Variants in KCNIP3 observed in about 807,000 individuals in gnomAD.
KCNIP3 encodes calsenilin.
KCNIP3 carries 28 observed loss-of-function variants against 35.0 expected under a neutral mutation model. The observed-to-expected ratio is 0.80, with a 90% CI of 0.59 to 1.10. KCNIP3 has a LOEUF of 1.10. KCNIP3 is among the 50% of genes least tolerant of loss of function. The pLI is 0.00. For missense variants in KCNIP3, 295 were observed against 338.4 expected, an observed-to-expected ratio of 0.87 and a Z score of 1.01; for synonymous variants, 134 against 133.8, an observed-to-expected ratio of 1.00 and a Z score of -0.01.
intron 5 of KCNIP3, 62 bp from the exon 6 acceptor site, chr2:95,381,534 A>G (rs1332302137): frequency 8.1e-7 from 1 of 1,234,832 alleles, no homozygotes; most frequent in Non-Finnish European, 1.2e-6. Flanking sequence ...GCCACACAGC[A>G]ACTGGAACTA....
rs986663374 is a variant in KCNIP3 at position 95,378,141 on chromosome 2, T to A, written c.447+2933T>A. On this transcript the variant is annotated intron_variant, in intron 5 of 8. Coordinates refer to ENST00000295225, the MANE Select transcript of KCNIP3 (RefSeq NM_013434.5). The surrounding 1 kb of genome is among the most constrained non-coding windows in gnomAD (Gnocchi z 4.0). Reference sequence around the variant, plus strand: ...ATGTTTCTCCTTGTTTTTTAATTTTTATTTTTTTTGTTTTATTTTTAGACA... The same window carrying A: ...ATGTTTCTCCTTGTTTTTTAATTTTAATTTTTTTTGTTTTATTTTTAGACA... 3.9e-5 allele frequency among the ~76,000 whole-genome samples: 6 copies of A among 152,176 alleles called. No individual in the cohort carries two copies. Among genetic ancestry groups the A allele is most frequent in the Non-Finnish European group, 7.3e-5 (5 of 68,028 alleles).
At chr2:95,301,408 T>G (rs566407238) in intron 1 of KCNIP3, among the ~76,000 whole-genome samples, 1 of 152,348 alleles carries the variant, frequency 6.6e-6, no homozygotes, top group African/African-American at 2.4e-5. Context: ...GGCTGTGCCT[T>G]GTTGGCTGTG....
intron 1 of KCNIP3, chr2:95,298,712 C>A (rs1300734529): frequency 6.6e-6 from 1 of 152,266 alleles, no homozygotes; most frequent in African/African-American, 2.4e-5. Flanking sequence ...GAGGTGATGG[C>A]ATGAAGCCCT....
intron 2 of KCNIP3, among the ~76,000 whole-genome samples, chr2:95,330,113 G>C (rs549828824): frequency 1.3e-5 from 2 of 152,346 alleles, no homozygotes; most frequent in South Asian, 2.1e-4. Flanking sequence ...TAATTGAGTT[G>C]CAGGGCTGGG....
intron 2 of KCNIP3, among the ~76,000 whole-genome samples, chr2:95,325,753 A>C (rs1395246783): frequency 6.6e-6 from 1 of 151,646 alleles, no homozygotes; most frequent in Admixed American, 6.6e-5. Flanking sequence ...ACACGCACTC[A>C]TACACACATA....
intron 2 of KCNIP3, among the ~76,000 whole-genome samples, chr2:95,338,112 C>T (rs951159250): frequency 2.0e-5 from 3 of 152,156 alleles, no homozygotes; most frequent in Admixed American, 6.5e-5. Flanking sequence ...TCGGCACAGC[C>T]AGGGCAGGAG....
In KCNIP3 at chr2:95,325,826, TACACTCATAC is replaced by T. The variant is rs778477125; in HGVS notation, c.181+15321_181+15330del. Among the ~76,000 whole-genome samples the T allele has an allele frequency of 1.6e-3, 209 of 128,632 alleles. 5 individuals carry two copies. The East Asian group carries it at 0.045, about 28-fold the overall frequency. 84.4% of individuals were successfully genotyped at this position (128,632 alleles called of 152,430 possible). The stretch of plus-strand genomic sequence containing the variant: ...ACATACACTCATACACACATACACA[TACACTCATAC>T]ACACTCATACACACATACACTCACA... On this transcript the variant is annotated intron_variant, in intron 2 of 8. Transcript: ENST00000295225.
At chr2:95,379,257 C>CGCTGAGG (rs1316971276) in intron 5 of KCNIP3, among the ~76,000 whole-genome samples, 1 of 152,254 alleles carries the variant, frequency 6.6e-6, no homozygotes, top group African/African-American at 2.4e-5. Flanking sequence ...CTGGACCCCT[C>CGCTGAGG]GCTGAGGCTT....
At chr2:95,319,461 C>T (rs1558761547) in intron 2 of KCNIP3, among the ~76,000 whole-genome samples, 1 of 152,224 alleles carries the variant, frequency 6.6e-6, no homozygotes. Context: ...CCCTGGGCCG[C>T]TTCTCTGTGA....
intron 1 of KCNIP3, among the ~76,000 whole-genome samples, chr2:95,302,829 AGCCGT>A (rs1179593955): frequency 6.6e-6 from 1 of 152,124 alleles, no homozygotes; most frequent in East Asian, 1.9e-4. Context: ...GCCCCCAACT[AGCCGT>A]GCCCTCTGAG....
At chr2:95,367,981 C>G (rs1395770474) in intron 2 of KCNIP3, among the ~76,000 whole-genome samples, 1 of 152,140 alleles carries the variant, frequency 6.6e-6, no homozygotes, top group African/African-American at 2.4e-5. Context: ...AGGCTGGTCT[C>G]GAACTCCTGA....
Position 95,377,694 on chromosome 2 carries a change from A to C in KCNIP3, c.447+2486A>C, listed in dbSNP as rs1680240474. Among the ~76,000 whole-genome samples the C allele has an allele frequency of 6.6e-6, 1 of 152,214 alleles. No homozygotes were observed. The highest frequency in any genetic ancestry group is 1.5e-5 in the Non-Finnish European group (1 of 68,026). On this transcript the variant is annotated intron_variant, in intron 5 of 8. Transcript: ENST00000295225. The surrounding 1 kb of genome is among the most constrained non-coding windows in gnomAD (Gnocchi z 4.7). The stretch of plus-strand genomic sequence containing the variant: ...GTGCACTCAGACATGGGCTGGCTGG[A>C]CTTGGGGTCATCTGTGTATTACCTT...
chr2:95,310,579 T>G, intron 2 of KCNIP3, 59 bp downstream of exon 2: 1 of 1,595,428 alleles, frequency 6.3e-7, no homozygotes, highest in Non-Finnish European at 8.6e-7. Flanking sequence ...TTCTGAGCAC[T>G]GTCCTTTCTG....
At chr2:95,307,925 TAA>T (rs1273653586) in intron 1 of KCNIP3, among the ~76,000 whole-genome samples, 4 of 152,162 alleles carry the variant, frequency 2.6e-5, no homozygotes, top group Non-Finnish European at 4.4e-5. Context: ...TTAACCAAAA[TAA>T]AGACTCCTGA....
At chr2:95,314,119 G>A (rs1678395881) in intron 2 of KCNIP3, among the ~76,000 whole-genome samples, 1 of 152,082 alleles carries the variant, frequency 6.6e-6, no homozygotes, top group African/African-American at 2.4e-5. Flanking sequence ...GCAACCCCAC[G>A]TAAAATCATA....
chr2:95,320,363 C>G (rs1478032396), intron 2 of KCNIP3, among the ~76,000 whole-genome samples: 2 of 152,136 alleles, frequency 1.3e-5, no homozygotes, highest in Non-Finnish European at 2.9e-5. Context: ...CCCTTCTTTG[C>G]TTCAGGACTC....
intron 6 of KCNIP3, 148 bp downstream of exon 6, chr2:95,381,851 G>T: frequency 1.5e-6 from 1 of 646,202 alleles, no homozygotes; most frequent in Non-Finnish European, 2.8e-6. Context: ...GCAGCCAGTG[G>T]GCTCTCCTCT....
rs1367072490 is a variant in KCNIP3 at position 95,374,292 on chromosome 2, C to G, written c.182-4C>G. The G allele has an allele frequency of 3.7e-6, 6 of 1,613,408 alleles. No individual in the cohort carries two copies. Among genetic ancestry groups the G allele is most frequent in the African/African-American group, 1.3e-5 (1 of 74,936 alleles). On this transcript the variant is annotated splice_region_variant and splice_polypyrimidine_tract_variant and intron_variant, in intron 2 of 8. Coordinates refer to ENST00000295225, the MANE Select transcript of KCNIP3 (RefSeq NM_013434.5). Reference sequence around the variant, plus strand: ...TACACTCTCTGGTCTGTGTCCCACTCCAGATAGCAGCGACAGTGAGCTGGA... The same window carrying G: ...TACACTCTCTGGTCTGTGTCCCACTGCAGATAGCAGCGACAGTGAGCTGGA...
chr2:95,324,935 G>A (rs1678699986), intron 2 of KCNIP3, among the ~76,000 whole-genome samples: 2 of 152,162 alleles, frequency 1.3e-5, no homozygotes, highest in African/African-American at 4.8e-5. Flanking sequence ...ACAAAAGACA[G>A]TTTTATGATC....
Sources: gnomAD v4.1 joint callset for allele counts (sites outside exome capture counted in the v4.1 genomes callset) on GRCh38, gnomAD v4.1.1 for gene constraint, Gnocchi (gnomAD v3.1) non-coding constraint, MANE v1.5 for transcripts, NCBI Gene and HGNC (gene_info 2026-07-23, HGNC 2026-07-21) for gene names.